The following CLCC1 variants were observed in gnomAD, a reference collection of about 807,000 sequenced individuals.
CLCC1 encodes chloride channel CLIC like 1.
Under a neutral mutation model 63.3 loss-of-function variants are expected in CLCC1, and 39 were observed. The observed-to-expected ratio is 0.62, with a 90% CI of 0.48 to 0.81. The LOEUF (loss-of-function observed/expected upper bound fraction) is 0.81. CLCC1 is among the 30% of genes least tolerant of loss of function. The pLI is 0.00. For synonymous variants in CLCC1, 217 were observed against 239.8 expected, an observed-to-expected ratio of 0.90 and a Z score of 0.88; for missense variants, 549 against 669.4, an observed-to-expected ratio of 0.82 and a Z score of 1.98.
chr1:108,931,099 T>C lies in CLCC1; in HGVS notation c.*1448A>G, dbSNP rs1651875056. 2.9e-6 allele frequency: 1 copy of C among 339,984 alleles called. No homozygotes were observed. 21.1% of individuals were successfully genotyped at this position (339,984 alleles called of 1,614,324 possible). On this transcript the variant is annotated 3_prime_UTR_variant, in exon 13 of 13. Transcript: ENST00000369969. ...TGTTTTGGGCTGTTTAAAAAAATTA[T>C]TTAAAATGGTCTCTTCTGTTCCATA...
intron 2 of CLCC1, among the ~76,000 whole-genome samples, chr1:108,953,032 TG>T: frequency 6.6e-6 from 1 of 152,324 alleles, no homozygotes; most frequent in Middle Eastern, 3.4e-3. Flanking sequence ...TAGTCACATA[TG>T]GGTAGTGGCT....
intron 10 of CLCC1, among the ~76,000 whole-genome samples, chr1:108,938,740 C>G (rs1240595633): frequency 6.6e-6 from 1 of 152,198 alleles, no homozygotes; most frequent in African/African-American, 2.4e-5. Context: ...CAATGCTCTA[C>G]CCTTCTCACT....
chr1:108,952,986 T>A (rs1450412511), intron 2 of CLCC1, among the ~76,000 whole-genome samples: 2 of 152,146 alleles, frequency 1.3e-5, no homozygotes, highest in Non-Finnish European at 2.9e-5. Context: ...TAAAATTCAG[T>A]TCCTCATTCC....
chr1:108,937,199 C>G lies in CLCC1; in HGVS notation c.1261G>C (p.Glu421Gln), dbSNP rs774138965. The G allele has an allele frequency of 6.9e-6, 11 of 1,601,206 alleles. No homozygotes were observed. Among genetic ancestry groups the G allele is most frequent in the Non-Finnish European group, 9.4e-6 (11 of 1,175,162 alleles). ...TCAACATCTCTCTCTCTCAAAATCT[C>G]TCTTCTACCCTCATACGTTTTGGCA... ...PYAKTYEGRREILRERDVDLR... is the reference protein window; with the variant it reads ...PYAKTYEGRRQILRERDVDLR... Residue 421 changes from glutamate (E) to glutamine (Q), a missense_variant, in exon 11 of 13, where the codon GAG (glutamate) becomes CAG (glutamine). By Grantham distance (29) the Glu-to-Gln change is conservative. Coordinates refer to ENST00000369969, the MANE Select transcript of CLCC1 (RefSeq NM_001377458.1).
chr1:108,953,106 T>C (rs1170642563), intron 2 of CLCC1, among the ~76,000 whole-genome samples: 2 of 152,204 alleles, frequency 1.3e-5, no homozygotes, highest in African/African-American at 4.8e-5. Flanking sequence ...AAAGTTCTGT[T>C]GGGCAGCCTA....
At chr1:108,943,682 C>T (rs1429451949) in intron 6 of CLCC1, 67 bp from the exon 7 acceptor site, 1 of 1,579,970 alleles carries the variant, frequency 6.3e-7, no homozygotes, top group Non-Finnish European at 8.7e-7. Context: ...GAACTGGACT[C>T]AAAAGCACAA....
At chr1:108,936,195 C>A (rs1652964885) in intron 11 of CLCC1, among the ~76,000 whole-genome samples, 1 of 146,030 alleles carries the variant, frequency 6.8e-6, no homozygotes, top group Admixed American at 7.1e-5. Flanking sequence ...TGGAATCAAG[C>A]AATTCTCCTG....
intron 5 of CLCC1, among the ~76,000 whole-genome samples, chr1:108,944,601 A>G (rs1039424542): frequency 1.3e-5 from 2 of 152,184 alleles, no homozygotes; most frequent in African/African-American, 4.8e-5. Context: ...TCACTAAAAT[A>G]CAGTTGATTC....
chr1:108,955,658 G>A (rs1655791241), intron 2 of CLCC1, among the ~76,000 whole-genome samples: 1 of 151,532 alleles, frequency 6.6e-6, no homozygotes, highest in African/African-American at 2.5e-5. Flanking sequence ...TCAGCTGACT[G>A]AGTGTGGAAG....
chr1:108,960,153 A>C (rs1158653910), intron 2 of CLCC1, among the ~76,000 whole-genome samples: 1 of 152,148 alleles, frequency 6.6e-6, no homozygotes, highest in Admixed American at 6.6e-5. Flanking sequence ...ACAAACAAAC[A>C]AACAAAAAAC....
rs929724971 is a variant in CLCC1 at position 108,931,145 on chromosome 1, T to G, written c.*1402A>C. 26 of 603,354 alleles carry G rather than the reference T, an allele frequency of 4.3e-5. No homozygotes were observed. The highest frequency in any genetic ancestry group is 6.6e-5 in the Non-Finnish European group (25 of 378,226). 37.4% of individuals were successfully genotyped at this position (603,354 alleles called of 1,614,324 possible). ...CCATAATACTGCTGTAAAACAAACT[T>G]TTCTAAGTTCTAATATAAAAACAAA... On this transcript the variant is annotated 3_prime_UTR_variant, in exon 13 of 13. Transcript: ENST00000369969.
intron 2 of CLCC1, among the ~76,000 whole-genome samples, chr1:108,957,021 C>T (rs1233229339): frequency 6.6e-6 from 1 of 150,878 alleles, no homozygotes; most frequent in African/African-American, 2.5e-5. Context: ...TTCTAAAAGA[C>T]ATTACTATGG....
At chr1:108,954,818 G>A (rs755757666) in intron 2 of CLCC1, among the ~76,000 whole-genome samples, 13 of 26,314 alleles carry the variant, frequency 4.9e-4, no homozygotes, top group East Asian at 4.3e-3. Context: ...CTGTCTTTGC[G>A]TGTGTGTGTG....
chr1:108,939,744 T>C lies in CLCC1; in HGVS notation c.933A>G (p.Pro311=). Reference sequence around the variant, plus strand: ...CAGTTCCTTTTCCAATATGCTTCAATGGCTCCGTTACAAATGTGGTGAATG... The same window carrying C: ...CAGTTCCTTTTCCAATATGCTTCAACGGCTCCGTTACAAATGTGGTGAATG... ...AVTFTTFVTE[P]LKHIGKGTGE... The change falls in exon 10 of 13, where the codon CCA becomes CCG. Residue 311 remains proline, a synonymous_variant. Coordinates refer to ENST00000369969, the MANE Select transcript of CLCC1 (RefSeq NM_001377458.1). The C allele has an allele frequency of 3.1e-6, 5 of 1,614,180 alleles. No homozygotes were observed. The highest frequency in any genetic ancestry group is 1.6e-4 in the Middle Eastern group (1 of 6,062).
At position 108,929,895 on chromosome 1, in the gene CLCC1, T is replaced by C. The variant is rs574565748; in HGVS notation, c.*2652A>G. On this transcript the variant is annotated 3_prime_UTR_variant, in exon 13 of 13. Coordinates refer to ENST00000369969, the MANE Select transcript of CLCC1 (RefSeq NM_001377458.1). The stretch of plus-strand genomic sequence containing the variant: ...TAAAGGACTTTTTGCAAAATAATGC[T>C]TTGTTGGAGTTTAAAAATTCAGGGA... The C allele has an allele frequency of 6.2e-7, 1 of 1,613,698 alleles. No individual in the cohort carries two copies. Among genetic ancestry groups the C allele is most frequent in the African/African-American group, 1.3e-5 (1 of 75,024 alleles).
At position 108,943,458 on chromosome 1, in the gene CLCC1, C is replaced by CTCCA. The variant is rs989420684; in HGVS notation, c.702+13_702+16dup. ...ATAAATGTGTTAAAATTGTAAAACC[C>CTCCA]TCCATCCATATAATACCTTATATAA... On this transcript the variant is annotated intron_variant, in intron 7 of 12. Transcript: ENST00000369969. The CTCCA allele has an allele frequency of 2.5e-6, 4 of 1,605,978 alleles. No homozygotes were observed. Among genetic ancestry groups the CTCCA allele is most frequent in the Non-Finnish European group, 3.4e-6 (4 of 1,175,672 alleles).
At position 108,932,984 on chromosome 1, in the gene CLCC1, G is replaced by A. The variant is rs906142486; in HGVS notation, c.*46-483C>T. 6 of 152,188 alleles carry A rather than the reference G, an allele frequency of 3.9e-5. 1 individual carries two copies. The South Asian group carries it at 8.3e-4, about 21-fold the overall frequency. The allele number at this position is 152,188 out of a possible 1,614,324, so 9.4% of individuals were successfully genotyped here. On this transcript the variant is annotated intron_variant, in intron 12 of 12. Coordinates refer to ENST00000369969, the MANE Select transcript of CLCC1 (RefSeq NM_001377458.1). Reference sequence around the variant, plus strand: ...CGATCATAACTCACTGCCACCTCACGATCCTCTTGCCTCAGCCCTCCAAGT... The same window carrying A: ...CGATCATAACTCACTGCCACCTCACAATCCTCTTGCCTCAGCCCTCCAAGT...
intron 2 of CLCC1, among the ~76,000 whole-genome samples, chr1:108,961,810 G>A (rs1286379272): frequency 1.3e-5 from 2 of 151,900 alleles, no homozygotes; most frequent in East Asian, 3.9e-4. Flanking sequence ...GGTGAGCCGA[G>A]ATCGCGCCAT....
In CLCC1 at chr1:108,948,775, G is replaced by A. The variant is rs114055084; in HGVS notation, c.231+1045C>T. Among the ~76,000 whole-genome samples the A allele has an allele frequency of 5.0e-3, 765 of 152,206 alleles. 10 individuals are homozygous for A. Among genetic ancestry groups the A allele is most frequent in the African/African-American group, 0.017 (717 of 41,532 alleles). ...GGTATTTCTGCATTTTTGCTGTGCA[G>A]CCAAACTTTTGTATAGCTCACTATA... is the stretch of plus-strand genomic sequence containing the variant. On this transcript the variant is annotated intron_variant, in intron 4 of 12. Transcript: ENST00000369969.
Sources: gnomAD v4.1 joint callset for allele counts (sites outside exome capture counted in the v4.1 genomes callset) on GRCh38, gnomAD v4.1.1 for gene constraint, MANE v1.5 for transcripts, NCBI Gene and HGNC (gene_info 2026-07-23, HGNC 2026-07-21) for gene names.